Variants in STAG1 observed in about 807,000 individuals in gnomAD.
STAG1 encodes STAG1 cohesin complex component.
STAG1 carries 26 observed loss-of-function variants against 170.9 expected under a neutral mutation model. The observed-to-expected ratio is 0.15, with a 90% CI of 0.11 to 0.21. The LOEUF (loss-of-function observed/expected upper bound fraction) is 0.21. Among genes scored for constraint, STAG1 ranks in the 10% least tolerant of loss-of-function variants. The pLI, the probability that STAG1 is intolerant of heterozygous loss-of-function variation, is 1.00. For missense variants in STAG1, 964 were observed against 1,509.5 expected (o/e 0.64, Z 5.99); for synonymous variants, 514 against 497.7 (o/e 1.03, Z -0.44).
At chr3:136,399,504 CT>C (rs1182842755) in intron 21 of STAG1, among the ~76,000 whole-genome samples, 4 of 152,126 alleles carry the variant, frequency 2.6e-5, no homozygotes, top group Non-Finnish European at 4.4e-5. Context: ...TTGAGTCTGA[CT>C]TTTTTCATTT....
chr3:136,565,799 T>C (rs1014774828), intron 5 of STAG1, among the ~76,000 whole-genome samples: 8 of 152,316 alleles, frequency 5.3e-5, no homozygotes, highest in South Asian at 2.1e-4. Context: ...AACAGATGAA[T>C]GGATAAACAA....
intron 5 of STAG1, among the ~76,000 whole-genome samples, chr3:136,560,959 T>C (rs889827300): frequency 6.6e-6 from 1 of 152,126 alleles, no homozygotes; most frequent in Non-Finnish European, 1.5e-5. Context: ...TTTTTTTTCC[T>C]GCCTTTCCTT....
intron 24 of STAG1, among the ~76,000 whole-genome samples, chr3:136,367,787 A>T (rs1937135107): frequency 6.6e-6 from 1 of 152,160 alleles, no homozygotes; most frequent in African/African-American, 2.4e-5. Context: ...TTATGCACAT[A>T]TAAAAAATTT....
At chr3:136,491,482 G>A (rs1018969353) in intron 9 of STAG1, among the ~76,000 whole-genome samples, 2 of 152,112 alleles carry the variant, frequency 1.3e-5, no homozygotes, top group Non-Finnish European at 2.9e-5. Flanking sequence ...ATATGAATTT[G>A]TGAGTGTTTT....
chr3:136,745,252 G>A (rs1012975408), intron 1 of STAG1, among the ~76,000 whole-genome samples: 1 of 152,018 alleles, frequency 6.6e-6, no homozygotes, highest in African/African-American at 2.4e-5. Flanking sequence ...CATAAAGAAG[G>A]TAAGACATTC....
In STAG1 at chr3:136,565,362, A is replaced by G. The variant is rs377100903; in HGVS notation, c.394+3403T>C. Among the ~76,000 whole-genome samples, 31 of 152,336 alleles carry G rather than the reference A, an allele frequency of 2.0e-4. No individual in the cohort carries two copies. In the South Asian group the frequency reaches 3.1e-3, roughly 15 times the overall value. ...CACATAATCTAATTTTAAAATGAGCAAAGGACTTGAATGTATATTTCTTCA... is the reference window on the plus strand; with the variant it reads ...CACATAATCTAATTTTAAAATGAGCGAAGGACTTGAATGTATATTTCTTCA... On this transcript the variant is annotated intron_variant, in intron 5 of 33. Transcript: ENST00000383202.
intron 22 of STAG1, among the ~76,000 whole-genome samples, chr3:136,386,890 C>T (rs2086887723): frequency 2.0e-5 from 3 of 152,118 alleles, no homozygotes; most frequent in African/African-American, 7.2e-5. Context: ...AAAACTTTAG[C>T]TCAACATTAT....
rs1576377400 is a variant in STAG1 at position 136,349,186 on chromosome 3, T to G, written c.3243A>C (p.Arg1081=). ...KTSSVRNKKG[R]PPLHKKRVED... ...CTACTCGTTTTTTATGAAGTGGAGG[T>G]CGTCCTTTCTTATTCCTTACTGATG... Residue 1081 remains arginine (R), a synonymous_variant, in exon 29 of 34, where the codon CGA becomes CGC. Coordinates refer to ENST00000383202, the MANE Select transcript of STAG1 (RefSeq NM_005862.3). The G allele has an allele frequency of 6.2e-7, 1 of 1,614,036 alleles. No homozygotes were observed. Among genetic ancestry groups the G allele is most frequent in the Non-Finnish European group, 8.5e-7 (1 of 1,179,948 alleles).
At chr3:136,354,483 T>A (rs1443628892) in intron 28 of STAG1, among the ~76,000 whole-genome samples, 1 of 151,570 alleles carries the variant, frequency 6.6e-6, no homozygotes, top group African/African-American at 2.4e-5. Context: ...TGTATTGTTA[T>A]TAGAGATGGG....
At chr3:136,470,869 A>G (rs567492449) in intron 12 of STAG1, among the ~76,000 whole-genome samples, 1 of 152,036 alleles carries the variant, frequency 6.6e-6, no homozygotes. Context: ...CATTCTCAGG[A>G]AACTATCACA....
intron 6 of STAG1, among the ~76,000 whole-genome samples, chr3:136,527,608 C>T (rs1181104005): frequency 6.6e-6 from 1 of 152,196 alleles, no homozygotes; most frequent in Non-Finnish European, 1.5e-5. Context: ...CTCCCTCCCG[C>T]TTTGTTCCGT....
chr3:136,491,916 CAG>C (rs2090131778), intron 9 of STAG1, among the ~76,000 whole-genome samples: 1 of 152,126 alleles, frequency 6.6e-6, no homozygotes, highest in African/African-American at 2.4e-5. Flanking sequence ...CACCTGAACC[CAG>C]GAGGCGGGGG....
chr3:136,718,343 T>C (rs529199329), intron 1 of STAG1, among the ~76,000 whole-genome samples: 2 of 152,324 alleles, frequency 1.3e-5, no homozygotes, highest in East Asian at 3.9e-4. Context: ...TCATCTGTAT[T>C]GTATGAAATT....
intron 1 of STAG1, among the ~76,000 whole-genome samples, chr3:136,667,934 T>C (rs1231322288): frequency 6.6e-6 from 1 of 152,018 alleles, no homozygotes; most frequent in African/African-American, 2.4e-5. Context: ...ATGCCTGTAA[T>C]CCCAGCACTT....
At chr3:136,564,336 A>G (rs894184617) in intron 5 of STAG1, among the ~76,000 whole-genome samples, 2 of 152,336 alleles carry the variant, frequency 1.3e-5, no homozygotes, top group East Asian at 1.9e-4. Flanking sequence ...GAGTTTATCA[A>G]TTTGTATTCT....
intron 21 of STAG1, among the ~76,000 whole-genome samples, chr3:136,401,636 G>T (rs1229511317): frequency 4.6e-5 from 7 of 151,506 alleles, no homozygotes; most frequent in African/African-American, 1.7e-4. Context: ...GTTTTTTTTT[G>T]AGATGGAGTA....
intron 5 of STAG1, among the ~76,000 whole-genome samples, chr3:136,554,995 A>C (rs1343579262): frequency 4.0e-5 from 6 of 151,670 alleles, no homozygotes; most frequent in Non-Finnish European, 7.4e-5. Context: ...AGGAATTAGA[A>C]AACACTTAAA....
At chr3:136,566,251 C>T (rs1389312977) in intron 5 of STAG1, among the ~76,000 whole-genome samples, 5 of 151,954 alleles carry the variant, frequency 3.3e-5, no homozygotes, top group Admixed American at 6.6e-5. Flanking sequence ...AGATTAGTGC[C>T]GTTATAAAGG....
At chr3:136,600,852 G>A (rs905328697) in intron 4 of STAG1, among the ~76,000 whole-genome samples, 1 of 129,666 alleles carries the variant, frequency 7.7e-6, no homozygotes, top group African/African-American at 3.1e-5. Flanking sequence ...ATTTTTTCTT[G>A]TTGTTGTTTG....
Sources: gnomAD v4.1 joint callset for allele counts (sites outside exome capture counted in the v4.1 genomes callset) on GRCh38, gnomAD v4.1.1 for gene constraint, MANE v1.5 for transcripts, NCBI Gene and HGNC (gene_info 2026-07-23, HGNC 2026-07-21) for gene names.